PPP3CA: variants seen among roughly 807,000 people sequenced by gnomAD.
The protein encoded by PPP3CA is CAM-PRP catalytic subunit.
In PPP3CA, 14 loss-of-function variants were observed where a neutral mutation model predicts 66.5. The ratio of observed to expected loss-of-function variants is 0.21; its 90% confidence interval spans 0.14 to 0.33. PPP3CA has a LOEUF of 0.33. Ranked by LOEUF, PPP3CA falls within the 10% of genes least tolerant of loss-of-function variation. The pLI is 1.00. For missense variants in PPP3CA, 317 were observed against 639.5 expected (o/e 0.50, Z 5.44); for synonymous variants, 232 against 226.2 (o/e 1.03, Z -0.23).
rs201788541 is a variant in PPP3CA, at chr4:101,032,961, T to C, written c.1242-597A>G. ...CTACTGGTAAAATTTCCCAGATTTT[T>C]TTTTTCAGTCACTTTCCCCACTGAT... On this transcript the variant is annotated intron_variant, in intron 11 of 13. Transcript: ENST00000394854. Among the ~76,000 whole-genome samples the C allele has an allele frequency of 1.2e-4, 18 of 152,312 alleles. No homozygotes were observed. The East Asian group carries it at 3.3e-3, about 28-fold the overall frequency.
chr4:101,234,812 AC>A lies in PPP3CA; in HGVS notation c.59-38697del, dbSNP rs145030755. ...AAATAAATATTAGCATCATATAATT[AC>A]CTTTTACTTAATCACAGCTTTTTTG... On this transcript the variant is annotated intron_variant, in intron 1 of 13. Coordinates refer to ENST00000394854, the MANE Select transcript of PPP3CA (RefSeq NM_000944.5). 2.0e-5 allele frequency among the ~76,000 whole-genome samples: 3 copies of A among 151,862 alleles called. No individual in the cohort carries two copies. In the East Asian group the frequency reaches 5.8e-4, roughly 30 times the overall value.
intron 1 of PPP3CA, among the ~76,000 whole-genome samples, chr4:101,204,869 ATTG>A (rs1178185386): frequency 6.6e-6 from 1 of 151,388 alleles, no homozygotes; most frequent in South Asian, 2.1e-4. Context: ...TAATTGAAGA[ATTG>A]TTGTTTTATA....
At chr4:101,342,988 A>G (rs1020144099) in intron 1 of PPP3CA, among the ~76,000 whole-genome samples, 11 of 152,138 alleles carry the variant, frequency 7.2e-5, no homozygotes, top group Admixed American at 2.6e-4. Flanking sequence ...TACTCTGTCT[A>G]CATGAAGTAC....
At chr4:101,074,654 T>C (rs1262510261) in intron 8 of PPP3CA, among the ~76,000 whole-genome samples, 1 of 152,216 alleles carries the variant, frequency 6.6e-6, no homozygotes, top group East Asian at 1.9e-4. Flanking sequence ...AGAAATTCTC[T>C]TTTTATTTAT....
chr4:101,242,521 A>C (rs1371473303), intron 1 of PPP3CA, among the ~76,000 whole-genome samples: 2 of 117,860 alleles, frequency 1.7e-5, no homozygotes, highest in Non-Finnish European at 4.3e-5. Flanking sequence ...TCAGTAAGGA[A>C]AATATTGGTT....
chr4:101,082,233 G>A (rs1055370039), intron 7 of PPP3CA, among the ~76,000 whole-genome samples: 4 of 152,310 alleles, frequency 2.6e-5, no homozygotes, highest in African/African-American at 7.2e-5. Flanking sequence ...ACAAAACAGT[G>A]AGTATATAAC....
intron 10 of PPP3CA, among the ~76,000 whole-genome samples, chr4:101,049,772 CATATT>C (rs1055797363): frequency 1.3e-5 from 2 of 152,018 alleles, no homozygotes; most frequent in African/African-American, 4.8e-5. Flanking sequence ...AACAAACAAA[CATATT>C]AAATATTACA....
chr4:101,045,006 C>A (rs1194309504), intron 10 of PPP3CA, among the ~76,000 whole-genome samples: 1 of 152,222 alleles, frequency 6.6e-6, no homozygotes, highest in African/African-American at 2.4e-5. Flanking sequence ...GTATCTGCCA[C>A]ACATAACAGA....
chr4:101,203,798 A>C (rs1459741902), intron 1 of PPP3CA, among the ~76,000 whole-genome samples: 4 of 152,166 alleles, frequency 2.6e-5, no homozygotes, highest in African/African-American at 9.7e-5. Flanking sequence ...GTTCTATCAC[A>C]ACACTACTTT....
At chr4:101,091,805 T>C (rs1224775705) in intron 6 of PPP3CA, among the ~76,000 whole-genome samples, 1 of 147,940 alleles carries the variant, frequency 6.8e-6, no homozygotes, top group African/African-American at 2.5e-5. Flanking sequence ...GAACATCAGG[T>C]TAAGTTCTTC....
chr4:101,306,543 G>A (rs1728540183), intron 1 of PPP3CA, among the ~76,000 whole-genome samples: 1 of 152,006 alleles, frequency 6.6e-6, no homozygotes, highest in South Asian at 2.1e-4. Context: ...TACAGAAAAA[G>A]TAAACAAATA....
intron 6 of PPP3CA, among the ~76,000 whole-genome samples, chr4:101,088,087 T>A (rs191594822): frequency 6.6e-6 from 1 of 152,264 alleles, no homozygotes; most frequent in East Asian, 1.9e-4. Context: ...CCCCTTGGGG[T>A]TAGGATTCCC....
chr4:101,279,468 G>A (rs1328576506), intron 1 of PPP3CA, among the ~76,000 whole-genome samples: 1 of 152,166 alleles, frequency 6.6e-6, no homozygotes, highest in Non-Finnish European at 1.5e-5. Context: ...GTGCTTGTGG[G>A]GCAGCCAATG....
At chr4:101,123,857 A>G (rs1190826840) in intron 2 of PPP3CA, among the ~76,000 whole-genome samples, 1 of 152,234 alleles carries the variant, frequency 6.6e-6, no homozygotes, top group African/African-American at 2.4e-5. Context: ...GAATAAGGAC[A>G]ATATCATCTC....
chr4:101,274,398 T>C (rs115222452), intron 1 of PPP3CA, among the ~76,000 whole-genome samples: 2,515 of 152,264 alleles, frequency 0.017, 33 homozygotes, highest in Middle Eastern at 0.044. Flanking sequence ...CAATTAGTAT[T>C]GAAGGATATT....
chr4:101,263,045 T>C (rs1301119639), intron 1 of PPP3CA, among the ~76,000 whole-genome samples: 1 of 152,212 alleles, frequency 6.6e-6, no homozygotes, highest in Non-Finnish European at 1.5e-5. Context: ...ATGCAGTGCA[T>C]ACTGTGTGTA....
chr4:101,266,647 C>G (rs1727178561), intron 1 of PPP3CA, among the ~76,000 whole-genome samples: 1 of 152,062 alleles, frequency 6.6e-6, no homozygotes, highest in African/African-American at 2.4e-5. Flanking sequence ...CATTGACAGA[C>G]TCAGAGATGA....
chr4:101,108,829 T>C, intron 3 of PPP3CA, 125 bp downstream of exon 3: 1 of 925,776 alleles, frequency 1.1e-6, no homozygotes, highest in Non-Finnish European at 1.6e-6. Flanking sequence ...TAATATCCTA[T>C]GAATTAAGTG....
At position 101,159,771 on chromosome 4, in the gene PPP3CA, A is replaced by T. The variant is rs541666632; in HGVS notation, c.259+36145T>A. ...ACAGGATTGCAAAATACCAGAAATA[A>T]ATCTTTCAAAAATATACATTTATGG... On this transcript the variant is annotated intron_variant, in intron 2 of 13. Transcript: ENST00000394854. Among the ~76,000 whole-genome samples, 8 of 152,254 alleles carry T rather than the reference A, an allele frequency of 5.3e-5. No individual in the cohort carries two copies. In the South Asian group the frequency reaches 1.7e-3, roughly 32 times the overall value.
Sources: allele counts gnomAD v4.1 joint callset (sites outside exome capture counted in the v4.1 genomes callset), GRCh38; gene constraint gnomAD v4.1.1; transcripts MANE v1.5; gene names NCBI Gene and HGNC (gene_info 2026-07-23, HGNC 2026-07-21).